CYSLTR1: variants seen among roughly 807,000 people sequenced by gnomAD.
CYSLTR1 encodes cysteinyl leukotriene receptor 1.
Under a neutral mutation model 2.1 loss-of-function variants are expected in CYSLTR1, and 1 was observed. The observed-to-expected ratio is 0.48, with a 90% confidence interval of 0.17 to 2.28. The LOEUF (loss-of-function observed/expected upper bound fraction) is 2.28. CYSLTR1 is among the 30% of genes most tolerant of loss of function. The pLI is 0.26. For synonymous variants in CYSLTR1, 110 were observed against 89.6 expected, an observed-to-expected ratio of 1.23 and a Z score of -1.28; for missense variants, 299 against 250.1, an observed-to-expected ratio of 1.20 and a Z score of -1.32.
chrX:78,308,071 T>C (rs890088394), intron 1 of CYSLTR1, among the ~76,000 whole-genome samples: 3 of 109,663 alleles, frequency 2.7e-5, no homozygotes, highest in Non-Finnish European at 5.7e-5. Flanking sequence ...CATGGTACCA[T>C]TAAGGAGGGA....
rs1445683813 is a variant in CYSLTR1, at chrX:78,291,903, TC to T, written c.-114-8364del. On this transcript the variant is annotated intron_variant, in intron 1 of 2. Coordinates refer to ENST00000373304, the MANE Select transcript of CYSLTR1 (RefSeq NM_006639.4). The stretch of plus-strand genomic sequence containing the variant: ...CGGTCTATCAATTTTGTTGATCTTT[TC>T]AAAAAAAAAAACAGCTCCTGGATTC... Among the ~76,000 whole-genome samples, 76 of 46,310 alleles carry T rather than the reference TC, an allele frequency of 1.6e-3. 1 individual carries two copies. Among genetic ancestry groups the T allele is most frequent in the Non-Finnish European group, 3.1e-3 (55 of 17,745 alleles). The allele number at this position is 46,310 out of a possible 115,157, so 40.2% of individuals were successfully genotyped here.
intron 1 of CYSLTR1, among the ~76,000 whole-genome samples, chrX:78,290,703 A>G (rs1384309269): frequency 9.0e-6 from 1 of 111,166 alleles, no homozygotes; most frequent in African/African-American, 3.3e-5. Flanking sequence ...TAGGTATTTT[A>G]TTCTCTTTGT....
chrX:78,291,252 G>T lies in CYSLTR1; in HGVS notation c.-114-7712C>A, dbSNP rs946336106. Among the ~76,000 whole-genome samples the T allele has an allele frequency of 5.4e-5, 6 of 111,266 alleles. No homozygotes were observed. In the South Asian group the frequency reaches 1.9e-3, roughly 35 times the overall value. ...ATTGTTGGTTCTGTTTATGTGATGG[G>T]TTATGTTTATTGATTTGCATATGTC... On this transcript the variant is annotated intron_variant, in intron 1 of 2. Transcript: ENST00000373304.
chrX:78,273,755 AC>A lies in CYSLTR1; in HGVS notation c.-10del. The A allele has an allele frequency of 8.4e-7, 1 of 1,185,455 alleles. No individual in the cohort carries two copies. Among genetic ancestry groups the A allele is most frequent in the Non-Finnish European group, 1.1e-6 (1 of 881,047 alleles). ...TTTCCTGTTTCATCCATGTTTCTCTACGAATGTCTGCTTTGTGCCTATAATA... is the reference window on the plus strand; with the variant it reads ...TTTCCTGTTTCATCCATGTTTCTCTAGAATGTCTGCTTTGTGCCTATAATA... On this transcript the variant is annotated 5_prime_UTR_variant, in exon 3 of 3. Coordinates refer to ENST00000373304, the MANE Select transcript of CYSLTR1 (RefSeq NM_006639.4).
chrX:78,321,987 G>T (rs1222884450), intron 1 of CYSLTR1, among the ~76,000 whole-genome samples: 1 of 111,618 alleles, frequency 9.0e-6, no homozygotes, highest in Non-Finnish European at 1.9e-5. Context: ...GTGCCAACAG[G>T]AGTGGGGTGA....
intron 1 of CYSLTR1, 52 bp from the exon 2 acceptor site, chrX:78,283,592 A>G (rs1921929780): frequency 8.9e-6 from 1 of 112,322 alleles, no homozygotes; most frequent in South Asian, 3.7e-4. Context: ...GCAGTCCAGA[A>G]GGGTCATAAG....
chrX:78,312,863 G>T (rs1247825899), intron 1 of CYSLTR1, among the ~76,000 whole-genome samples: 1 of 112,368 alleles, frequency 8.9e-6, no homozygotes, highest in Admixed American at 9.4e-5. Flanking sequence ...TACACTGTTA[G>T]TGGGAATGCA....
chrX:78,323,390 TTAAG>T (rs200107500), intron 1 of CYSLTR1, among the ~76,000 whole-genome samples: 1,169 of 112,073 alleles, frequency 0.01, 22 homozygotes, highest in African/African-American at 0.036. Context: ...GCCCTTTGTC[TTAAG>T]TAAGAATTCA....
intron 2 of CYSLTR1, among the ~76,000 whole-genome samples, chrX:78,278,682 C>T (rs1003760408): frequency 8.0e-5 from 9 of 112,019 alleles, no homozygotes; most frequent in Admixed American, 2.8e-4. Flanking sequence ...AGAACAAAGC[C>T]GGAGGCATCA....
chrX:78,298,450 G>A (rs933143227), intron 1 of CYSLTR1, among the ~76,000 whole-genome samples: 33 of 111,321 alleles, frequency 3.0e-4, no homozygotes, highest in Non-Finnish European at 5.9e-4. Flanking sequence ...TGGAACATCT[G>A]TCCAATGCTG....
chrX:78,305,953 T>A (rs1203746128), intron 1 of CYSLTR1, among the ~76,000 whole-genome samples: 2 of 112,713 alleles, frequency 1.8e-5, no homozygotes, highest in Non-Finnish European at 3.8e-5. Context: ...CATCAACAGA[T>A]GAATGGATAA....
In CYSLTR1 at chrX:78,310,704, A is replaced by AT. The variant is rs781034777; in HGVS notation, c.-115+16600dup. Among the ~76,000 whole-genome samples the AT allele has an allele frequency of 5.4e-5, 6 of 112,057 alleles. No individual in the cohort carries two copies. In the South Asian group the frequency reaches 2.2e-3, roughly 41 times the overall value. ...TGCATGTATTTGTAGAAAAGGCTTT[A>AT]TGAAAGAGAGAAGGGTGGGGCATAT... On this transcript the variant is annotated intron_variant, in intron 1 of 2. Transcript: ENST00000373304.
intron 1 of CYSLTR1, among the ~76,000 whole-genome samples, chrX:78,286,286 A>T (rs1312196343): frequency 1.8e-5 from 2 of 110,910 alleles, no homozygotes; most frequent in Non-Finnish European, 3.8e-5. Context: ...TACAAAAAAT[A>T]AAAAAAATGT....
chrX:78,283,870 C>G (rs967811937), intron 1 of CYSLTR1, among the ~76,000 whole-genome samples: 1 of 111,791 alleles, frequency 8.9e-6, no homozygotes, highest in Non-Finnish European at 1.9e-5. Flanking sequence ...ATCTTCTCTT[C>G]TAAACACTTG....
intron 2 of CYSLTR1, among the ~76,000 whole-genome samples, chrX:78,279,739 TA>T (rs1199562807): frequency 8.9e-6 from 1 of 112,282 alleles, no homozygotes; most frequent in Non-Finnish European, 1.9e-5. Context: ...ACATGGTATG[TA>T]TACACTATTT....
chrX:78,273,630 A>T lies in CYSLTR1; in HGVS notation c.117T>A (p.Phe39Leu), dbSNP rs1921424342. ...LYSMISVVGF[F>L]GNGFVLYVLI... ...GGACATAGAGCACAAAGCCATTGCC[A>T]AAGAAGCCTACAACAGAGATCATAG... The change falls in exon 3 of 3, where the codon TTT (phenylalanine) becomes TTA (leucine). Residue 39 changes from phenylalanine (F) to leucine (L), a missense_variant. By Grantham distance (22) the Phe-to-Leu change is conservative. Transcript: ENST00000373304. 2 of 1,210,108 alleles carry T rather than the reference A, an allele frequency of 1.7e-6. No individual in the cohort carries two copies. The highest frequency in any genetic ancestry group is 1.7e-5 in the African/African-American group (1 of 57,231).
chrX:78,298,546 G>C (rs973307813), intron 1 of CYSLTR1, among the ~76,000 whole-genome samples: 1 of 111,030 alleles, frequency 9.0e-6, no homozygotes, highest in Non-Finnish European at 1.9e-5. Flanking sequence ...TTATATATCT[G>C]GATGCTCCCT....
At chrX:78,297,546 C>G (rs1317276156) in intron 1 of CYSLTR1, among the ~76,000 whole-genome samples, 1 of 111,260 alleles carries the variant, frequency 9.0e-6, no homozygotes, top group East Asian at 2.8e-4. Flanking sequence ...TTTATTATAA[C>G]TTCAAACTTG....
intron 1 of CYSLTR1, among the ~76,000 whole-genome samples, chrX:78,290,890 T>C (rs898703773): frequency 2.7e-5 from 3 of 112,094 alleles, no homozygotes; most frequent in Admixed American, 9.5e-5. Context: ...TATACAATCA[T>C]GTCATCTGCA....
Sources: allele counts gnomAD v4.1 joint callset (sites outside exome capture counted in the v4.1 genomes callset), GRCh38; gene constraint gnomAD v4.1.1; transcripts MANE v1.5; gene names NCBI Gene and HGNC (gene_info 2026-07-23, HGNC 2026-07-21).